The following GOLGA8A variants were observed in gnomAD, a reference collection of about 807,000 sequenced individuals.
GOLGA8A encodes the protein golgin A8 family member A.
Under a neutral mutation model 22.1 loss-of-function variants are expected in GOLGA8A, and 3 were observed. The observed-to-expected ratio is 0.14, with a 90% CI of 0.06 to 0.35. GOLGA8A has a LOEUF of 0.35. GOLGA8A is among the 10% of genes least tolerant of loss of function. The pLI is 1.00. For missense variants in GOLGA8A, 16 were observed against 233.2 expected, an observed-to-expected ratio of 0.07 and a Z score of 6.07; for synonymous variants, 7 against 91.7, an observed-to-expected ratio of 0.08 and a Z score of 5.28.
rs1358244783 is a variant in GOLGA8A, at chr15:34,437,451, T to G, written c.-1265A>C. On this transcript the variant is annotated 5_prime_UTR_variant, in exon 1 of 25. Transcript: ENST00000359187. ...CGCCGCCGTCCTCGCCGCGCCGCCG[T>G]CCTCGCCGCGCCGCCGTCCTCGCCG... The G allele has an allele frequency of 4.6e-5, 6 of 129,700 alleles. No homozygotes were observed. The highest frequency in any genetic ancestry group is 1.5e-4 in the Admixed American group (2 of 13,226). 8.0% of individuals were successfully genotyped at this position (129,700 alleles called of 1,614,324 possible).
At chr15:34,386,435 T>C (rs1320528222) in intron 12 of GOLGA8A, among the ~76,000 whole-genome samples, 190 bp downstream of exon 12, 2 of 130,602 alleles carry the variant, frequency 1.5e-5, no homozygotes, top group African/African-American at 6.8e-5. Flanking sequence ...GAGGAGAGAG[T>C]CGGCAAAGAG....
At position 34,424,855 on chromosome 15, in the gene GOLGA8A, T is replaced by G. The variant is rs1172760764; in HGVS notation, c.-1123+10528A>C. 3.0e-5 allele frequency among the ~76,000 whole-genome samples: 4 copies of G among 133,792 alleles called. No individual in the cohort carries two copies. In the Admixed American group the frequency reaches 3.2e-4, roughly 11 times the overall value. 87.8% of individuals were successfully genotyped at this position (133,792 alleles called of 152,430 possible). On this transcript the variant is annotated intron_variant, in intron 2 of 24. Coordinates refer to ENST00000359187, the MANE Select transcript of GOLGA8A (RefSeq NM_181077.5). ...TGGCTCATGCCTGTAATCCCAGAAC[T>G]TTGGGAGGCCAAGGCAAGAGGATCA...
chr15:34,436,143 G>A (rs1893498249), intron 1 of GOLGA8A, among the ~76,000 whole-genome samples: 1 of 148,992 alleles, frequency 6.7e-6, no homozygotes, highest in Admixed American at 6.8e-5. Context: ...CCTCACTGGA[G>A]GGACCCTGAC....
intron 2 of GOLGA8A, among the ~76,000 whole-genome samples, chr15:34,425,811 G>C (rs1892959494): frequency 6.8e-6 from 1 of 146,774 alleles, no homozygotes. Flanking sequence ...ATTCAAATTA[G>C]TAGTAAGCAC....
In GOLGA8A at chr15:34,430,615, G is replaced by A. The variant is rs1202382574; in HGVS notation, c.-1123+4768C>T. On this transcript the variant is annotated intron_variant, in intron 2 of 24. Coordinates refer to ENST00000359187, the MANE Select transcript of GOLGA8A (RefSeq NM_181077.5). ...GCGTACTAGCCAGAATCAGTTAGAG[G>A]CTGGAGGTAGTGCCAGGTGTCTGAA... is the stretch of plus-strand genomic sequence containing the variant. Among the ~76,000 whole-genome samples, 7 of 149,410 alleles carry A rather than the reference G, an allele frequency of 4.7e-5. 1 individual carries two copies. In the East Asian group the frequency reaches 1.4e-3, roughly 29 times the overall value.
In GOLGA8A at chr15:34,437,722, GCCGGGTCTCTC is replaced by G. The variant is rs1209685928; in HGVS notation, c.-1547_-1537del. Among the ~76,000 whole-genome samples the G allele has an allele frequency of 6.9e-6, 1 of 144,876 alleles. No homozygotes were observed. Among genetic ancestry groups the G allele is most frequent in the Non-Finnish European group, 1.5e-5 (1 of 65,838 alleles). ...GCGCCGCCGTCCTCGCCGCGCCGCTGCCGGGTCTCTCCCGGGGGCTGAGCTCCCGCAGAGCT... is the reference window on the plus strand; with the variant it reads ...GCGCCGCCGTCCTCGCCGCGCCGCTGCCGGGGGCTGAGCTCCCGCAGAGCT... On this transcript the variant is annotated 5_prime_UTR_variant, in exon 1 of 25. Transcript: ENST00000359187.
At chr15:34,397,472 A>G (rs1263766189) in intron 8 of GOLGA8A, among the ~76,000 whole-genome samples, 14 of 148,548 alleles carry the variant, frequency 9.4e-5, no homozygotes, top group African/African-American at 3.2e-4. Context: ...TCTGTATCTG[A>G]TAATTCCAAA....
At chr15:34,434,021 C>A (rs1173023294) in intron 2 of GOLGA8A, among the ~76,000 whole-genome samples, 1 of 148,678 alleles carries the variant, frequency 6.7e-6, no homozygotes, top group East Asian at 2.0e-4. Context: ...AGTGGCCTGG[C>A]AAATCCGAGG....
At chr15:34,434,498 A>C (rs1893404038) in intron 2 of GOLGA8A, among the ~76,000 whole-genome samples, 1 of 148,964 alleles carries the variant, frequency 6.7e-6, no homozygotes, top group Non-Finnish European at 1.5e-5. Context: ...GATTGGCTTC[A>C]GGAGAGGCGA....
intron 2 of GOLGA8A, among the ~76,000 whole-genome samples, chr15:34,430,221 G>C (rs958178044): frequency 1.3e-5 from 2 of 149,098 alleles, no homozygotes; most frequent in Middle Eastern, 3.2e-3. Flanking sequence ...TCTTGGTCTG[G>C]AGGGGCTTCT....
intron 2 of GOLGA8A, among the ~76,000 whole-genome samples, chr15:34,431,461 A>G (rs2094954942): frequency 6.8e-6 from 1 of 147,378 alleles, no homozygotes; most frequent in Admixed American, 6.9e-5. Flanking sequence ...ATTTATCATT[A>G]GGCAATTTCA....
At position 34,418,080 on chromosome 15, in the gene GOLGA8A, G is replaced by A. The variant is rs1245695656; in HGVS notation, c.-1122-10345C>T. 13 of 120,638 alleles carry A rather than the reference G, an allele frequency of 1.1e-4. 1 individual carries two copies. The highest frequency in any genetic ancestry group is 4.0e-4 in the African/African-American group (13 of 32,146). The allele number at this position is 120,638 out of a possible 1,614,324, so 7.5% of individuals were successfully genotyped here. A position where few individuals can be genotyped will look rare whatever the true frequency, so the allele number is the denominator to read the frequency against. On this transcript the variant is annotated intron_variant, in intron 2 of 24. Coordinates refer to ENST00000359187, the MANE Select transcript of GOLGA8A (RefSeq NM_181077.5). ...GCCATTTTTCTTCTTCTATGTGTTGGTCTCCAGATTTCCCACTTTTTCAGT... is the reference window on the plus strand; with the variant it reads ...GCCATTTTTCTTCTTCTATGTGTTGATCTCCAGATTTCCCACTTTTTCAGT...
chr15:34,386,288 T>C (rs2140210295), intron 12 of GOLGA8A, among the ~76,000 whole-genome samples: 1 of 140,094 alleles, frequency 7.1e-6, no homozygotes, highest in East Asian at 2.1e-4. Context: ...AGGTGGCTTG[T>C]CCAGAATCAA....
intron 2 of GOLGA8A, among the ~76,000 whole-genome samples, chr15:34,433,802 C>A (rs1448410018): frequency 6.7e-6 from 1 of 149,500 alleles, no homozygotes; most frequent in Non-Finnish European, 1.5e-5. Context: ...AAGAGACTGA[C>A]AATAAACAAA....
In GOLGA8A at chr15:34,421,217, G is replaced by A. The variant is rs1207809783; in HGVS notation, c.-1122-13482C>T. 2.1e-5 allele frequency among the ~76,000 whole-genome samples: 3 copies of A among 143,650 alleles called. 1 individual carries two copies. Among genetic ancestry groups the A allele is most frequent in the African/African-American group, 5.1e-5 (2 of 39,304 alleles). 94.2% of individuals were successfully genotyped at this position (143,650 alleles called of 152,430 possible). On this transcript the variant is annotated intron_variant, in intron 2 of 24. Transcript: ENST00000359187. ...AGCCAGGGTCTGCCCAGGCCACCACGGGGGCAGAGACGTGAAACAGGCTTC... is the reference window on the plus strand; with the variant it reads ...AGCCAGGGTCTGCCCAGGCCACCACAGGGGCAGAGACGTGAAACAGGCTTC...
intron 2 of GOLGA8A, among the ~76,000 whole-genome samples, chr15:34,434,598 A>AG (rs896345289): frequency 1.3e-5 from 2 of 148,406 alleles, no homozygotes; most frequent in Non-Finnish European, 3.0e-5. Context: ...GGTGGGCAGC[A>AG]GGGGGGTGGG....
intron 1 of GOLGA8A, 102 bp downstream of exon 1, chr15:34,437,274 CGCTCGGGAGCTCTTGGCCCGCA>C (rs1337755634): frequency 6.9e-6 from 1 of 145,482 alleles, no homozygotes; most frequent in African/African-American, 2.5e-5. Flanking sequence ...CGGGGGGCAG[CGCTCGGGAGCTCTTGGCCCGCA>C]GCTTACGCGC....
In GOLGA8A at chr15:34,433,040, C is replaced by T. The variant is rs1311030435; in HGVS notation, c.-1123+2343G>A. 1.3e-5 allele frequency among the ~76,000 whole-genome samples: 2 copies of T among 149,154 alleles called. 1 individual carries two copies. Among genetic ancestry groups the T allele is most frequent in the African/African-American group, 4.9e-5 (2 of 40,404 alleles). On this transcript the variant is annotated intron_variant, in intron 2 of 24. Transcript: ENST00000359187. ...AGACTCTCAAGCCAGAAGACTGGTC[C>T]TGGGCCCCAGGGATTAGTGGCAGGG...
chr15:34,436,459 C>T (rs1365879913), intron 1 of GOLGA8A, among the ~76,000 whole-genome samples: 1 of 149,592 alleles, frequency 6.7e-6, no homozygotes, highest in African/African-American at 2.5e-5. Context: ...ACGTCTGGTG[C>T]CTGCCAGGTC....
Sources: gnomAD v4.1 joint callset for allele counts (sites outside exome capture counted in the v4.1 genomes callset) on GRCh38, gnomAD v4.1.1 for gene constraint, MANE v1.5 for transcripts, NCBI Gene and HGNC (gene_info 2026-07-23, HGNC 2026-07-21) for gene names.